The following KLHL13 variants were observed in gnomAD, a reference collection of about 807,000 sequenced individuals.
The protein encoded by KLHL13 is kelch like family member 13.
In KLHL13, 10 loss-of-function variants were observed where a neutral mutation model predicts 37.1. The observed-to-expected ratio is 0.27, with a 90% CI of 0.17 to 0.46. The LOEUF is 0.46. Ranked by LOEUF, KLHL13 falls within the 20% of genes least tolerant of loss-of-function variation. The pLI is 1.00. For synonymous variants in KLHL13, 163 were observed against 181.2 expected, an observed-to-expected ratio of 0.90 and a Z score of 0.81; for missense variants, 360 against 509.3, an observed-to-expected ratio of 0.71 and a Z score of 2.82.
At chrX:118,056,195 G>A (rs1016346039) in intron 1 of KLHL13, among the ~76,000 whole-genome samples, 8 of 111,613 alleles carry the variant, frequency 7.2e-5, no homozygotes, top group African/African-American at 2.3e-4. Context: ...ATCTGAAAAC[G>A]AAATTTAAAA....
At chrX:118,032,191 C>A (rs1220684513) in intron 1 of KLHL13, among the ~76,000 whole-genome samples, 2 of 111,234 alleles carry the variant, frequency 1.8e-5, no homozygotes, top group Non-Finnish European at 3.8e-5. Context: ...CCCAGGCTTG[C>A]TTAGGTAAAC....
Position 118,031,660 on chromosome X carries a change from T to C in KLHL13, c.-56+84848A>G, listed in dbSNP as rs376871686. On this transcript the variant is annotated intron_variant, in intron 1 of 6. Transcript: ENST00000371882. ...TTAGTTATATATATATATTTAGTTA[T>C]ATATAATATATATAACTAAAATTTT... 4.0e-5 allele frequency among the ~76,000 whole-genome samples: 4 copies of C among 101,034 alleles called. No homozygotes were observed. In the South Asian group the frequency reaches 1.3e-3, roughly 32 times the overall value. The allele number at this position is 101,034 out of a possible 115,157, so 87.7% of individuals were successfully genotyped here.
chrX:118,101,876 C>T (rs1409967243), intron 1 of KLHL13, among the ~76,000 whole-genome samples: 1 of 111,962 alleles, frequency 8.9e-6, no homozygotes, highest in African/African-American at 3.2e-5. Flanking sequence ...CTTCACCTTC[C>T]ACCATGATTG....
chrX:117,997,950 A>G (rs1403108521), intron 1 of KLHL13, among the ~76,000 whole-genome samples: 1 of 112,292 alleles, frequency 8.9e-6, no homozygotes, highest in African/African-American at 3.2e-5. Flanking sequence ...GTACTCTACT[A>G]ATTACAAAGC....
chrX:117,977,937 C>G (rs1296104874), upstream of KLHL13, among the ~76,000 whole-genome samples: 1 of 111,933 alleles, frequency 8.9e-6, no homozygotes, highest in Non-Finnish European at 1.9e-5. Flanking sequence ...ACATATATGA[C>G]TATATATTCG....
chrX:118,018,017 C>T (rs1197821042), intron 1 of KLHL13, among the ~76,000 whole-genome samples: 1 of 111,611 alleles, frequency 9.0e-6, no homozygotes, highest in Non-Finnish European at 1.9e-5. Flanking sequence ...TACCATAATG[C>T]ATGCATGAGG....
intron 1 of KLHL13, among the ~76,000 whole-genome samples, chrX:118,071,315 C>A (rs1372072541): frequency 2.7e-5 from 3 of 111,299 alleles, no homozygotes; most frequent in Non-Finnish European, 5.7e-5. Context: ...AGTTCTAGAT[C>A]CCTGAGGAAT....
At chrX:117,931,554 T>C (rs188001957) in intron 2 of KLHL13, among the ~76,000 whole-genome samples, 93 of 112,340 alleles carry the variant, frequency 8.3e-4, no homozygotes, top group Non-Finnish European at 1.6e-3. Flanking sequence ...TGTGTAATTC[T>C]GCTGTTTCTA....
intron 1 of KLHL13, among the ~76,000 whole-genome samples, chrX:118,101,374 A>G (rs1022100191): frequency 1.8e-5 from 2 of 111,676 alleles, no homozygotes; most frequent in Non-Finnish European, 3.8e-5. Context: ...ATCATGACAG[A>G]CAATACAGAT....
intron 1 of KLHL13, among the ~76,000 whole-genome samples, chrX:117,950,514 A>C (rs1933537529): frequency 8.9e-6 from 1 of 112,053 alleles, no homozygotes; most frequent in Non-Finnish European, 1.9e-5. Context: ...TAGTGTCAAA[A>C]GTATAATATA....
In KLHL13 at chrX:118,050,239, A is replaced by G. The variant is rs1392865138; in HGVS notation, c.-56+66269T>C. Among the ~76,000 whole-genome samples the G allele has an allele frequency of 2.7e-4, 30 of 111,861 alleles. No homozygotes were observed. In the Admixed American group the frequency reaches 2.7e-3, roughly 10 times the overall value. ...AGTCCCTTCTCATGTTGTCATTCAT[A>G]ATAGGCTTTAGGAATGCCTTTGAGG... is the stretch of plus-strand genomic sequence containing the variant. On this transcript the variant is annotated intron_variant, in intron 1 of 6. Coordinates refer to the KLHL13 transcript ENST00000371882.
At chrX:118,034,347 C>T (rs1312436904) in intron 1 of KLHL13, among the ~76,000 whole-genome samples, 3 of 94,704 alleles carry the variant, frequency 3.2e-5, no homozygotes, top group Non-Finnish European at 6.1e-5. Flanking sequence ...GGAAGTAAAG[C>T]TCTCCTCAGC....
At chrX:118,098,327 C>T (rs1302591335) in intron 1 of KLHL13, among the ~76,000 whole-genome samples, 3 of 111,929 alleles carry the variant, frequency 2.7e-5, no homozygotes, top group Non-Finnish European at 5.6e-5. Flanking sequence ...TGAAAAAATG[C>T]TCATCATCAC....
chrX:118,026,098 T>C (rs2054272400), intron 1 of KLHL13, among the ~76,000 whole-genome samples: 1 of 111,372 alleles, frequency 9.0e-6, no homozygotes, highest in African/African-American at 3.3e-5. Flanking sequence ...AATTGGATTA[T>C]TATGGAAAAT....
chrX:117,965,499 T>G (rs2053406019), intron 1 of KLHL13, among the ~76,000 whole-genome samples: 1 of 111,728 alleles, frequency 9.0e-6, no homozygotes, highest in Non-Finnish European at 1.9e-5. Context: ...GTACCATTCT[T>G]TCTGAAACTA....
chrX:118,080,802 C>T (rs1056786041), intron 1 of KLHL13, among the ~76,000 whole-genome samples: 1 of 111,904 alleles, frequency 8.9e-6, no homozygotes, highest in Non-Finnish European at 1.9e-5. Context: ...CAAAAATACA[C>T]GTGCACTTGT....
intron 1 of KLHL13, among the ~76,000 whole-genome samples, chrX:118,033,109 G>A (rs1217033324): frequency 7.2e-5 from 8 of 111,205 alleles, no homozygotes; most frequent in African/African-American, 2.0e-4. Flanking sequence ...CCAAATCTGC[G>A]TCTGACTGGT....
At chrX:118,036,298 C>G (rs1167314501) in intron 1 of KLHL13, among the ~76,000 whole-genome samples, 6 of 111,977 alleles carry the variant, frequency 5.4e-5, no homozygotes, top group Non-Finnish European at 1.1e-4. Context: ...CAATCCCAAG[C>G]CAAAAGAACA....
chrX:117,916,219 G>A (rs187285026), intron 4 of KLHL13, among the ~76,000 whole-genome samples: 27 of 111,646 alleles, frequency 2.4e-4, no homozygotes, highest in South Asian at 7.5e-4. Flanking sequence ...TATTTAACAT[G>A]TTGTAGTTAT....
Sources: allele counts gnomAD v4.1 joint callset (sites outside exome capture counted in the v4.1 genomes callset), GRCh38; gene constraint gnomAD v4.1.1; transcripts MANE v1.5; gene names NCBI Gene and HGNC (gene_info 2026-07-23, HGNC 2026-07-21).